Variants in DOCK9 observed in about 807,000 individuals in gnomAD.
DOCK9 encodes the protein dedicator of cytokinesis 9.
DOCK9 carries 89 observed loss-of-function variants against 263.3 expected under a neutral mutation model. The ratio of observed to expected loss-of-function variants is 0.34; its 90% CI spans 0.28 to 0.40. DOCK9 has a LOEUF of 0.40. DOCK9 is among the 10% of genes least tolerant of loss of function. The pLI is 1.00. For missense variants in DOCK9, 2,140 were observed against 2,603.4 expected (o/e 0.82, Z 3.87); for synonymous variants, 976 against 973.1 (o/e 1.00, Z -0.06).
chr13:98,870,122 A>G (rs1233244637), intron 27 of DOCK9, among the ~76,000 whole-genome samples: 1 of 152,254 alleles, frequency 6.6e-6, no homozygotes, highest in East Asian at 1.9e-4. Context: ...AGTATTTTCT[A>G]AAACTGGGAA....
At position 98,881,552 on chromosome 13, in the gene DOCK9, A is replaced by G. The variant is rs1202071455; in HGVS notation, c.2745+6T>C. On this transcript the variant is annotated splice_donor_region_variant and intron_variant, in intron 25 of 52. Transcript: ENST00000682017. ...GTAAGTGATCAGAACAGTGTGTTTTACATACCTTAACATATGACCTCAAGT... is the reference window on the plus strand; with the variant it reads ...GTAAGTGATCAGAACAGTGTGTTTTGCATACCTTAACATATGACCTCAAGT... 5 of 1,597,340 alleles carry G rather than the reference A, an allele frequency of 3.1e-6. No homozygotes were observed. Among genetic ancestry groups the G allele is most frequent in the Non-Finnish European group, 4.3e-6 (5 of 1,171,526 alleles).
intron 45 of DOCK9, among the ~76,000 whole-genome samples, chr13:98,822,388 T>A (rs557552325): frequency 9.2e-5 from 14 of 152,350 alleles, no homozygotes; most frequent in Admixed American, 2.6e-4. Flanking sequence ...AAGCTTCATT[T>A]TATCAGCTCT....
chr13:99,021,860 C>G (rs1886152488), intron 1 of DOCK9, among the ~76,000 whole-genome samples: 1 of 151,932 alleles, frequency 6.6e-6, no homozygotes, highest in East Asian at 1.9e-4. Flanking sequence ...ATACCTAATG[C>G]ACGCGGGGCT....
chr13:98,874,305 T>C (rs2094269116), intron 27 of DOCK9, among the ~76,000 whole-genome samples: 1 of 152,256 alleles, frequency 6.6e-6, no homozygotes, highest in Non-Finnish European at 1.5e-5. Flanking sequence ...AACCATGCTG[T>C]TGCATGACTC....
At chr13:98,968,395 G>A (rs2059406643) in intron 1 of DOCK9, among the ~76,000 whole-genome samples, 1 of 151,966 alleles carries the variant, frequency 6.6e-6, no homozygotes, top group African/African-American at 2.4e-5. Flanking sequence ...CTGAGGCAGG[G>A]GTATCACTTG....
At chr13:99,003,946 G>A (rs1882845859) in intron 1 of DOCK9, among the ~76,000 whole-genome samples, 2 of 152,050 alleles carry the variant, frequency 1.3e-5, no homozygotes, top group Non-Finnish European at 2.9e-5. Context: ...TATGTCCCCT[G>A]CTTACCTCTC....
chr13:98,920,045 A>G, intron 7 of DOCK9, among the ~76,000 whole-genome samples: 1 of 152,176 alleles, frequency 6.6e-6, no homozygotes, highest in East Asian at 1.9e-4. Flanking sequence ...GGATGGATGG[A>G]TGGATGGACA....
chr13:99,048,458 A>G (rs563802703), intron 1 of DOCK9, among the ~76,000 whole-genome samples: 90 of 152,232 alleles, frequency 5.9e-4, no homozygotes, highest in Non-Finnish European at 1.1e-3. Context: ...TCATTAACGT[A>G]ACAAGCACAT....
At chr13:99,075,184 T>C (rs1188975988) in intron 1 of DOCK9, among the ~76,000 whole-genome samples, 2 of 152,192 alleles carry the variant, frequency 1.3e-5, no homozygotes, top group Non-Finnish European at 2.9e-5. Flanking sequence ...ATTTTATATA[T>C]TAATGACATA....
intron 49 of DOCK9, among the ~76,000 whole-genome samples, chr13:98,803,833 A>G (rs2090387257): frequency 6.6e-6 from 1 of 152,096 alleles, no homozygotes; most frequent in Non-Finnish European, 1.5e-5. Context: ...GATTAGGGAC[A>G]CTTTAAGAAC....
At chr13:98,846,627 G>C (rs1222331344) in intron 37 of DOCK9, 2 of 1,163,416 alleles carry the variant, frequency 1.7e-6, no homozygotes, top group African/African-American at 1.6e-5. Context: ...ACTTCCTGCT[G>C]TGTACCATCA....
chr13:99,087,753 C>G (rs1384744647), upstream of DOCK9: 1 of 152,482 alleles, frequency 6.6e-6, no homozygotes, highest in South Asian at 2.1e-4. Flanking sequence ...GTACCCCGGG[C>G]GGGGAGCCTG....
rs376155785 is a variant in DOCK9 at position 98,812,904 on chromosome 13, G to A, written c.5131-2613C>T. 2.0e-5 allele frequency among the ~76,000 whole-genome samples: 3 copies of A among 152,238 alleles called. No homozygotes were observed. In the East Asian group the frequency reaches 5.8e-4, roughly 29 times the overall value. The stretch of plus-strand genomic sequence containing the variant: ...CAGTATATCTAAATAGGAAATAAAT[G>A]GCGATATTTTTTATGCTATTGTAAA... On this transcript the variant is annotated intron_variant, in intron 45 of 52. Coordinates refer to ENST00000682017, the MANE Select transcript of DOCK9 (RefSeq NM_001366683.2).
rs530926618 is a variant in DOCK9, at chr13:98,880,794, G to T, written c.2746-122C>A. 4.1e-5 allele frequency: 54 copies of T among 1,305,736 alleles called. No individual in the cohort carries two copies. In the African/African-American group the frequency reaches 7.6e-4, roughly 18 times the overall value. The allele number at this position is 1,305,736 out of a possible 1,614,324, so 80.9% of individuals were successfully genotyped here. On this transcript the variant is annotated intron_variant, in intron 25 of 52. Coordinates refer to ENST00000682017, the MANE Select transcript of DOCK9 (RefSeq NM_001366683.2). Reference sequence around the variant, plus strand: ...ACAATATCATTTGTGGGAGAGGAAGGTGTGGATACAAAGATGGGAAGGGTG... The same window carrying T: ...ACAATATCATTTGTGGGAGAGGAAGTTGTGGATACAAAGATGGGAAGGGTG...
chr13:98,809,610 G>T, intron 46 of DOCK9, 145 bp from the exon 47 acceptor site: 2 of 654,358 alleles, frequency 3.1e-6, no homozygotes, highest in Non-Finnish European at 2.6e-6. Flanking sequence ...AACTTGTAGT[G>T]ATCATTAATG....
intron 38 of DOCK9, among the ~76,000 whole-genome samples, chr13:98,838,075 C>T (rs1183674239): frequency 6.6e-6 from 1 of 152,194 alleles, no homozygotes; most frequent in Admixed American, 6.5e-5. Flanking sequence ...TTCTGCTATC[C>T]AGCAGGAGTG....
intron 6 of DOCK9, 43 bp downstream of exon 6, chr13:98,922,008 A>G (rs1427419707): frequency 2.0e-6 from 3 of 1,470,818 alleles, no homozygotes; most frequent in Non-Finnish European, 1.9e-6. Flanking sequence ...CTATGGCAGA[A>G]AGGGCTTGTG....
At chr13:98,847,152 C>T (rs1594630084) in intron 37 of DOCK9, 1 of 158,088 alleles carries the variant, frequency 6.3e-6, no homozygotes, top group East Asian at 1.9e-4. Flanking sequence ...TTCAGCTTCT[C>T]ACATTCACTG....
rs572983807 is a variant in DOCK9, at chr13:98,923,294, T to C, written c.486+8A>G. 10 of 1,612,276 alleles carry C rather than the reference T, an allele frequency of 6.2e-6. No homozygotes were observed. In the South Asian group the frequency reaches 1.1e-4, roughly 18 times the overall value. On this transcript the variant is annotated splice_region_variant and intron_variant, in intron 5 of 52. Coordinates refer to ENST00000682017, the MANE Select transcript of DOCK9 (RefSeq NM_001366683.2). Reference sequence around the variant, plus strand: ...GAAAAGAGAAGCAACAGCAAGCAGGTATCCCACCTCATCTTTGTCGACCTC... The same window carrying C: ...GAAAAGAGAAGCAACAGCAAGCAGGCATCCCACCTCATCTTTGTCGACCTC...
Sources: allele counts gnomAD v4.1 joint callset (sites outside exome capture counted in the v4.1 genomes callset), GRCh38; gene constraint gnomAD v4.1.1; transcripts MANE v1.5; gene names NCBI Gene and HGNC (gene_info 2026-07-23, HGNC 2026-07-21).